MEIS2: variants seen among roughly 807,000 people sequenced by gnomAD.
MEIS2 encodes homeobox protein Meis2.
In MEIS2, 9 loss-of-function variants were observed where a neutral mutation model predicts 58.6. That is an observed-to-expected ratio of 0.15 (90% CI 0.09 to 0.27). The LOEUF (loss-of-function observed/expected upper bound fraction) is 0.27, where lower values mean the gene tolerates loss of function less well. Among genes scored for constraint, MEIS2 ranks in the 10% least tolerant of loss-of-function variants. The pLI is 1.00. For synonymous variants in MEIS2, 221 were observed against 228.4 expected, an observed-to-expected ratio of 0.97 and a Z score of 0.29; for missense variants, 427 against 635.0, an observed-to-expected ratio of 0.67 and a Z score of 3.52.
chr15:36,981,236 TA>T (rs1450097073), intron 8 of MEIS2, among the ~76,000 whole-genome samples: 2 of 152,136 alleles, frequency 1.3e-5, no homozygotes, highest in African/African-American at 4.8e-5. Flanking sequence ...TATTGCTGAT[TA>T]AAAAAGCTAT....
At chr15:37,018,532 T>C (rs1390109194) in intron 8 of MEIS2, among the ~76,000 whole-genome samples, 1 of 152,240 alleles carries the variant, frequency 6.6e-6, no homozygotes, top group Admixed American at 6.5e-5. Context: ...CAAAACAAAT[T>C]ATTTCATTTA....
At chr15:36,938,314 T>C (rs1189008407) in intron 9 of MEIS2, among the ~76,000 whole-genome samples, 1 of 152,200 alleles carries the variant, frequency 6.6e-6, no homozygotes, top group African/African-American at 2.4e-5. Context: ...TCTGACCTCT[T>C]TCCCTACAGG....
At chr15:36,906,560 T>C (rs1053761483) in intron 9 of MEIS2, among the ~76,000 whole-genome samples, 2 of 151,260 alleles carry the variant, frequency 1.3e-5, no homozygotes, top group Middle Eastern at 3.4e-3. Flanking sequence ...TCCTATTTGT[T>C]GTGGTGGGAA....
rs769770636 is a variant in MEIS2 at position 37,099,474 on chromosome 15, C to A, written c.-8G>T. On this transcript the variant is annotated 5_prime_UTR_variant, in exon 1 of 12. Coordinates refer to ENST00000561208, the MANE Select transcript of MEIS2 (RefSeq NM_170675.5). ...ACCTACCCTTTGCGCCATCAGTCTGCGCTCCAATAAACTCCTGGATGTGTC... is the reference window on the plus strand; with the variant it reads ...ACCTACCCTTTGCGCCATCAGTCTGAGCTCCAATAAACTCCTGGATGTGTC... 6 of 1,613,786 alleles carry A rather than the reference C, an allele frequency of 3.7e-6. No homozygotes were observed. Among genetic ancestry groups the A allele is most frequent in the Non-Finnish European group, 4.2e-6 (5 of 1,179,964 alleles).
chr15:36,951,047 C>G (rs560809648), intron 8 of MEIS2, among the ~76,000 whole-genome samples: 1 of 152,216 alleles, frequency 6.6e-6, no homozygotes, highest in South Asian at 2.1e-4. Context: ...GCAAAAGGAG[C>G]CAATTATGTG....
intron 9 of MEIS2, among the ~76,000 whole-genome samples, chr15:36,933,655 A>G (rs1382423947): frequency 3.3e-5 from 5 of 152,106 alleles, no homozygotes; most frequent in Non-Finnish European, 5.9e-5. Context: ...TAACTTATTC[A>G]GAAGGGATTA....
chr15:36,971,851 G>T (rs2059583156), intron 8 of MEIS2, among the ~76,000 whole-genome samples: 1 of 152,084 alleles, frequency 6.6e-6, no homozygotes, highest in Non-Finnish European at 1.5e-5. Flanking sequence ...GTTGAAAGTG[G>T]CAGAATATGC....
chr15:37,069,424 A>C (rs1011313235), intron 7 of MEIS2, among the ~76,000 whole-genome samples: 1 of 152,318 alleles, frequency 6.6e-6, no homozygotes, highest in Non-Finnish European at 1.5e-5. Flanking sequence ...CTTGACAAAC[A>C]AGACAAAATC....
intron 11 of MEIS2, chr15:36,894,550 T>C (rs988881752): frequency 1.9e-6 from 1 of 524,188 alleles, no homozygotes; most frequent in African/African-American, 1.9e-5. Flanking sequence ...TGCACATCAG[T>C]GTCATCTGTG....
chr15:36,916,725 G>A (rs868757310), intron 9 of MEIS2, among the ~76,000 whole-genome samples: 11 of 152,088 alleles, frequency 7.2e-5, no homozygotes, highest in Admixed American at 3.3e-4. Context: ...AAGCCACTGC[G>A]CACAGCCAAC....
At chr15:37,021,052 C>T (rs895311146) in intron 8 of MEIS2, among the ~76,000 whole-genome samples, 1 of 152,182 alleles carries the variant, frequency 6.6e-6, no homozygotes, top group South Asian at 2.1e-4. Flanking sequence ...AATAACCCTG[C>T]TGCACCTGGC....
At chr15:37,090,937 C>T (rs911800628) in intron 6 of MEIS2, among the ~76,000 whole-genome samples, 9 of 152,128 alleles carry the variant, frequency 5.9e-5, no homozygotes, top group African/African-American at 1.7e-4. Context: ...AAGAAAACAA[C>T]GCGCTGTCTG....
At chr15:37,086,598 A>C (rs60599836) in intron 6 of MEIS2, among the ~76,000 whole-genome samples, 1 of 152,282 alleles carries the variant, frequency 6.6e-6, no homozygotes, top group African/African-American at 2.4e-5. Flanking sequence ...CTCTTTAAAA[A>C]TGCTCTCCTG....
At chr15:36,951,209 T>C (rs1178628961) in intron 8 of MEIS2, among the ~76,000 whole-genome samples, 2 of 152,182 alleles carry the variant, frequency 1.3e-5, no homozygotes, top group Non-Finnish European at 2.9e-5. Context: ...GACACTTTCC[T>C]CTCTGATTCT....
chr15:37,052,718 C>T (rs936427466), intron 7 of MEIS2, among the ~76,000 whole-genome samples: 5 of 152,254 alleles, frequency 3.3e-5, no homozygotes, highest in South Asian at 2.1e-4. Context: ...TTCACTTATT[C>T]GAAAGACCCA....
intron 9 of MEIS2, among the ~76,000 whole-genome samples, chr15:36,939,229 C>T (rs1202231539): frequency 6.6e-6 from 1 of 152,218 alleles, no homozygotes; most frequent in Admixed American, 6.5e-5. Context: ...AGCCCACTCT[C>T]TAGCTTATTT....
chr15:36,969,335 A>G (rs897760798), intron 8 of MEIS2, among the ~76,000 whole-genome samples: 1 of 152,170 alleles, frequency 6.6e-6, no homozygotes, highest in African/African-American at 2.4e-5. Flanking sequence ...AAACCACATG[A>G]CATTTGAGAA....
intron 8 of MEIS2, among the ~76,000 whole-genome samples, chr15:37,025,124 C>T (rs1450137930): frequency 6.6e-6 from 1 of 152,194 alleles, no homozygotes; most frequent in Admixed American, 6.5e-5. Flanking sequence ...CAATACTTGT[C>T]TTTGAAGAGT....
chr15:37,002,850 TTTTTA>T (rs1463243523), intron 8 of MEIS2, among the ~76,000 whole-genome samples: 3 of 152,238 alleles, frequency 2.0e-5, no homozygotes, highest in Non-Finnish European at 4.4e-5. Flanking sequence ...GTTTTTATTC[TTTTTA>T]TTTTATTTGC....
Sources: gnomAD v4.1 joint callset for allele counts (sites outside exome capture counted in the v4.1 genomes callset) on GRCh38, gnomAD v4.1.1 for gene constraint, MANE v1.5 for transcripts, NCBI Gene and HGNC (gene_info 2026-07-23, HGNC 2026-07-21) for gene names.